Variants in IPCEF1 observed in about 807,000 individuals in gnomAD.
IPCEF1 encodes interactor protein for cytohesin exchange factors 1.
In IPCEF1, 31 loss-of-function variants were observed where a neutral mutation model predicts 50.9. The observed-to-expected ratio is 0.61, with a 90% CI of 0.46 to 0.82. The LOEUF is 0.82. Ranked by LOEUF, IPCEF1 falls within the 40% of genes least tolerant of loss-of-function variation. The pLI, the probability that IPCEF1 is intolerant of heterozygous loss-of-function variation, is 0.00. For synonymous variants in IPCEF1, 181 were observed against 192.0 expected (o/e 0.94, Z 0.47); for missense variants, 458 against 514.0 (o/e 0.89, Z 1.05).
At chr6:154,213,291 G>C (rs1006369397) in intron 8 of IPCEF1, 13 of 181,194 alleles carry the variant, frequency 7.2e-5, no homozygotes, top group Non-Finnish European at 1.3e-4. Context: ...CAAGTATGTG[G>C]AGACCCCTAC....
In IPCEF1 at chr6:154,199,756, T is replaced by A; in HGVS notation, c.822A>T (p.Leu274Phe). 6.2e-7 allele frequency: 1 copy of A among 1,614,240 alleles called. No homozygotes were observed. The highest frequency in any genetic ancestry group is 8.5e-7 in the Non-Finnish European group (1 of 1,180,032). The change falls in exon 10 of 12, where the codon TTA becomes TTT. Residue 274 changes from leucine (L) to phenylalanine (F), a missense_variant. Leu to Phe is a conservative substitution (Grantham distance 22). Coordinates refer to ENST00000367220, the MANE Select transcript of IPCEF1 (RefSeq NM_001130700.2). ...TCAATGAAGAAGTATCATCACTAGA[T>A]AAAGAGTTCAAAAATCCACTTTCTG... The part of the protein sequence containing the change: ...VTSESGFLNS[L>F]SSDDTSSLSS...
chr6:154,319,131 T>G (rs1463204336), intron 1 of IPCEF1, among the ~76,000 whole-genome samples: 1 of 152,240 alleles, frequency 6.6e-6, no homozygotes. Context: ...TGTGCGTGAA[T>G]GAAGTATATT....
At chr6:154,250,358 A>T (rs1484661001) in intron 3 of IPCEF1, among the ~76,000 whole-genome samples, 2 of 152,158 alleles carry the variant, frequency 1.3e-5, no homozygotes, top group Non-Finnish European at 1.5e-5. Context: ...GCCTAGTAAG[A>T]TATTTTCTCA....
At chr6:154,253,401 C>T (rs185934257) in intron 3 of IPCEF1, among the ~76,000 whole-genome samples, 74 of 152,270 alleles carry the variant, frequency 4.9e-4, no homozygotes, top group Middle Eastern at 3.4e-3. Context: ...AACATTAATG[C>T]AGACATTTAA....
intron 5 of IPCEF1, among the ~76,000 whole-genome samples, chr6:154,238,543 G>A (rs764823107): frequency 6.6e-6 from 1 of 152,122 alleles, no homozygotes; most frequent in Non-Finnish European, 1.5e-5. Flanking sequence ...TGGGATCATA[G>A]GCATGAGCCA....
At chr6:154,299,567 AG>A (rs1782742948) in intron 1 of IPCEF1, among the ~76,000 whole-genome samples, 2 of 140,600 alleles carry the variant, frequency 1.4e-5, no homozygotes, top group African/African-American at 2.5e-5. Flanking sequence ...GGACACATGA[AG>A]GGGCACAACA....
chr6:154,283,863 C>T (rs1782289557), intron 2 of IPCEF1, among the ~76,000 whole-genome samples: 1 of 152,126 alleles, frequency 6.6e-6, no homozygotes, highest in South Asian at 2.1e-4. Flanking sequence ...ACATTTTAGA[C>T]ATGTTTGTTT....
At chr6:154,166,566 C>T (rs1799451600) in intron 11 of IPCEF1, among the ~76,000 whole-genome samples, 2 of 152,152 alleles carry the variant, frequency 1.3e-5, no homozygotes, top group South Asian at 4.1e-4. Context: ...TCCACTGTCC[C>T]CCTTGGACCA....
At chr6:154,195,433 C>G (rs1435392393) in intron 10 of IPCEF1, among the ~76,000 whole-genome samples, 1 of 152,126 alleles carries the variant, frequency 6.6e-6, no homozygotes, top group Non-Finnish European at 1.5e-5. Context: ...AGGTGTGAGC[C>G]ACCGTGCCTG....
chr6:154,162,218 C>T (rs1799084931), intron 11 of IPCEF1, among the ~76,000 whole-genome samples: 1 of 152,252 alleles, frequency 6.6e-6, no homozygotes, highest in South Asian at 2.1e-4. Context: ...GTTCTCTCCT[C>T]TGACTCACCA....
chr6:154,347,246 C>T (rs1029194467), intron 1 of IPCEF1, among the ~76,000 whole-genome samples: 6 of 152,084 alleles, frequency 3.9e-5, no homozygotes. Flanking sequence ...TAGTATATTC[C>T]CTCAGGACAG....
intron 9 of IPCEF1, among the ~76,000 whole-genome samples, chr6:154,212,168 G>A (rs1778014953): frequency 6.6e-6 from 1 of 152,148 alleles, no homozygotes; most frequent in Admixed American, 6.5e-5. Flanking sequence ...TTACTGTAAT[G>A]CTAAGAGCAT....
intron 1 of IPCEF1, among the ~76,000 whole-genome samples, chr6:154,307,751 C>T (rs1362307791): frequency 1.3e-5 from 2 of 152,214 alleles, no homozygotes; most frequent in African/African-American, 2.4e-5. Flanking sequence ...TCTAGATGTA[C>T]ATTCACCATC....
At position 154,328,702 on chromosome 6, in the gene IPCEF1, C is replaced by T. The variant is rs563326541; in HGVS notation, c.-62+27970G>A. ...CTCCTCTCTCTGCCTCAAGTGTGTC[C>T]TTTGACTTCATTTGAGACTCTCTTC... On this transcript the variant is annotated intron_variant, in intron 1 of 11. Coordinates refer to ENST00000367220, the MANE Select transcript of IPCEF1 (RefSeq NM_001130700.2). Among the ~76,000 whole-genome samples the T allele has an allele frequency of 2.6e-5, 4 of 152,024 alleles. No homozygotes were observed. In the South Asian group the frequency reaches 8.3e-4, roughly 31 times the overall value.
At chr6:154,235,045 C>T (rs1780005482) in intron 5 of IPCEF1, among the ~76,000 whole-genome samples, 1 of 152,122 alleles carries the variant, frequency 6.6e-6, no homozygotes, top group Non-Finnish European at 1.5e-5. Flanking sequence ...GAAAACAATA[C>T]ATATGAAGGA....
chr6:154,313,392 GA>G (rs927166613), intron 1 of IPCEF1, among the ~76,000 whole-genome samples: 29 of 150,634 alleles, frequency 1.9e-4, no homozygotes, highest in African/African-American at 4.9e-4. Flanking sequence ...AAAAGAAAAA[GA>G]AAAAAAATTA....
intron 1 of IPCEF1, among the ~76,000 whole-genome samples, chr6:154,307,226 C>T (rs1165764900): frequency 1.3e-5 from 2 of 152,290 alleles, no homozygotes; most frequent in East Asian, 3.9e-4. Flanking sequence ...TGGGACATGA[C>T]TGAATCATGG....
intron 10 of IPCEF1, among the ~76,000 whole-genome samples, chr6:154,198,882 C>T (rs1254053995): frequency 6.6e-6 from 1 of 152,152 alleles, no homozygotes; most frequent in Non-Finnish European, 1.5e-5. Flanking sequence ...AATATACAAA[C>T]CAAACTCATC....
chr6:154,219,207 T>C (rs927136249), intron 7 of IPCEF1: 3 of 152,178 alleles, frequency 2.0e-5, no homozygotes, highest in Non-Finnish European at 4.4e-5. Context: ...TCTCACACTT[T>C]CATCGGTTTA....
Sources: allele counts gnomAD v4.1 joint callset (sites outside exome capture counted in the v4.1 genomes callset), GRCh38; gene constraint gnomAD v4.1.1; transcripts MANE v1.5; gene names NCBI Gene and HGNC (gene_info 2026-07-23, HGNC 2026-07-21).